Variants in CCDC30 observed in about 807,000 individuals in gnomAD.
The protein encoded by CCDC30 is coiled-coil domain containing 30.
Under a neutral mutation model 100.2 loss-of-function variants are expected in CCDC30, and 70 were observed. That is an observed-to-expected ratio of 0.70 (90% CI 0.58 to 0.85). The LOEUF is 0.85. Ranked by LOEUF, CCDC30 falls within the 40% of genes least tolerant of loss-of-function variation. CCDC30 has a pLI of 0.00. For missense variants in CCDC30, 652 were observed against 771.2 expected, an observed-to-expected ratio of 0.85 and a Z score of 1.83; for synonymous variants, 233 against 269.5, an observed-to-expected ratio of 0.86 and a Z score of 1.33.
At chr1:42,637,101 C>T in intron 11 of CCDC30, 136 bp from the exon 16 acceptor site, 1 of 639,776 alleles carries the variant, frequency 1.6e-6, no homozygotes, top group Non-Finnish European at 2.6e-6. Context: ...AGATGTGAGG[C>T]AGGATAAGTA....
intron 10 of CCDC30, among the ~76,000 whole-genome samples, chr1:42,599,803 A>G (rs1454166851): frequency 2.0e-5 from 3 of 152,246 alleles, no homozygotes; most frequent in Non-Finnish European, 2.9e-5. Flanking sequence ...AGGGAAGTGT[A>G]TTAGTCTGTT....
At chr1:42,610,900 T>A (rs1020737233) in intron 10 of CCDC30, 78 bp from the exon 15 acceptor site, 8 of 629,822 alleles carry the variant, frequency 1.3e-5, no homozygotes, top group Non-Finnish European at 2.2e-5. Context: ...TTTTTTTTTT[T>A]ACCAGAAAGA....
intron 15 of CCDC30, among the ~76,000 whole-genome samples, chr1:42,647,321 C>T (rs1557494489): frequency 6.9e-6 from 1 of 144,436 alleles, no homozygotes. Context: ...GACTACAAGT[C>T]AAAGACTAAA....
chr1:42,573,556 C>T (rs1028524615), intron 7 of CCDC30, among the ~76,000 whole-genome samples: 20 of 151,868 alleles, frequency 1.3e-4, no homozygotes, highest in Non-Finnish European at 4.4e-5. Context: ...TGCTTTCTTC[C>T]TTTCCATATG....
intron 6 of CCDC30, among the ~76,000 whole-genome samples, chr1:42,516,861 T>G (rs776653672): frequency 6.6e-6 from 1 of 152,208 alleles, no homozygotes; most frequent in Non-Finnish European, 1.5e-5. Context: ...ATTTCCCTAG[T>G]GATTATTAAT....
intron 6 of CCDC30, among the ~76,000 whole-genome samples, chr1:42,534,688 C>A (rs921163329): frequency 6.6e-6 from 1 of 152,132 alleles, no homozygotes; most frequent in African/African-American, 2.4e-5. Context: ...TACTTGTTCC[C>A]TTTGGCTCAG....
At chr1:42,512,636 G>T (rs575341195) in intron 6 of CCDC30, among the ~76,000 whole-genome samples, 2 of 152,252 alleles carry the variant, frequency 1.3e-5, no homozygotes, top group Admixed American at 6.5e-5. Flanking sequence ...AGGAAATTTT[G>T]CAACAGGATA....
In CCDC30 at chr1:42,642,089, A is replaced by G. The variant is rs188952419; in HGVS notation, c.1420-384A>G. Among the ~76,000 whole-genome samples the G allele has an allele frequency of 4.5e-3, 679 of 151,642 alleles. 10 individuals carry two copies. Among genetic ancestry groups the G allele is most frequent in the African/African-American group, 0.014 (574 of 41,356 alleles). ...AAATACAAAAAACTTAGCCGGGCGT[A>G]GTGGTGGGCACCTGTAGTCCCAGCT... On this transcript the variant is annotated intron_variant, in intron 12 of 16. Transcript: ENST00000668663.
chr1:42,609,276 A>T (rs1646569435), intron 10 of CCDC30, among the ~76,000 whole-genome samples: 1 of 152,136 alleles, frequency 6.6e-6, no homozygotes, highest in Non-Finnish European at 1.5e-5. Context: ...TATTTTCTCT[A>T]CCTTATCGTT....
intron 10 of CCDC30, among the ~76,000 whole-genome samples, chr1:42,606,678 T>G (rs947025570): frequency 6.6e-6 from 1 of 152,230 alleles, no homozygotes; most frequent in African/African-American, 2.4e-5. Context: ...TTTCACTGTG[T>G]TTAGTGCAAT....
intron 1 of CCDC30, among the ~76,000 whole-genome samples, chr1:42,477,511 G>A (rs760195591): frequency 2.0e-5 from 3 of 151,964 alleles, no homozygotes; most frequent in Non-Finnish European, 4.4e-5. Flanking sequence ...TACAGGCCAC[G>A]TGTTTTTGCA....
chr1:42,517,595 G>A (rs115162940), intron 6 of CCDC30, among the ~76,000 whole-genome samples: 3,154 of 152,094 alleles, frequency 0.021, 122 homozygotes, highest in African/African-American at 0.072. Flanking sequence ...TAATTTTTGT[G>A]AATAGTGTAA....
chr1:42,562,961 C>T (rs1645524520), intron 6 of CCDC30, among the ~76,000 whole-genome samples: 2 of 152,288 alleles, frequency 1.3e-5, no homozygotes, highest in South Asian at 2.1e-4. Flanking sequence ...ACAATAGATG[C>T]TGACGAGGCT....
intron 6 of CCDC30, 93 bp downstream of exon 10, chr1:42,556,498 TG>T (rs1371532209): frequency 6.5e-6 from 9 of 1,379,614 alleles, no homozygotes; most frequent in East Asian, 2.4e-5. Flanking sequence ...TTCATATATA[TG>T]TTTTTTTTTA....
intron 15 of CCDC30, among the ~76,000 whole-genome samples, chr1:42,651,197 G>C (rs1648316898): frequency 6.6e-6 from 1 of 152,084 alleles, no homozygotes; most frequent in African/African-American, 2.4e-5. Flanking sequence ...GACACGAAAA[G>C]CTCAGGGAAC....
At chr1:42,566,170 T>A in intron 6 of CCDC30, 126 bp from the exon 11 acceptor site, 1 of 687,088 alleles carries the variant, frequency 1.5e-6, no homozygotes, top group Non-Finnish European at 2.5e-6. Flanking sequence ...GTAGATAAGC[T>A]AACTCCAAAA....
At chr1:42,579,890 G>C (rs912407656) in intron 8 of CCDC30, among the ~76,000 whole-genome samples, 4 of 151,474 alleles carry the variant, frequency 2.6e-5, no homozygotes, top group South Asian at 2.1e-4. Flanking sequence ...AGCTACTCTG[G>C]AGGCTAAGGC....
intron 6 of CCDC30, among the ~76,000 whole-genome samples, chr1:42,528,283 A>G (rs564939117): frequency 4.7e-4 from 72 of 152,350 alleles, no homozygotes; most frequent in South Asian, 3.5e-3. Context: ...AAGACTACCT[A>G]TGTGAGAATG....
In CCDC30 at chr1:42,556,280, A is replaced by C. The variant is rs755784588; in HGVS notation, c.457-10016A>C. The C allele has an allele frequency of 1.9e-6, 3 of 1,614,094 alleles. No individual in the cohort carries two copies. In the South Asian group the frequency reaches 3.3e-5, roughly 18 times the overall value. ...GAATCGAGATATGAAAGATGAAGAA[A>C]AAGAACAGCAGTTAACCATGAAGCC... On this transcript the variant is annotated intron_variant, in intron 6 of 16. Coordinates refer to ENST00000668663, the Ensembl canonical transcript of CCDC30.
Sources: gnomAD v4.1 joint callset for allele counts (sites outside exome capture counted in the v4.1 genomes callset) on GRCh38, gnomAD v4.1.1 for gene constraint, MANE v1.5 for transcripts, NCBI Gene and HGNC (gene_info 2026-07-23, HGNC 2026-07-21) for gene names.